Variants in CECR2 observed in about 807,000 individuals in gnomAD.
CECR2 encodes CECR2 histone acetyl-lysine reader, also known as chromatin remodeling regulator CECR2.
Under a neutral mutation model 154.5 loss-of-function variants are expected in CECR2, and 30 were observed. The observed-to-expected ratio is 0.19, with a 90% CI of 0.15 to 0.26. The LOEUF is 0.26. Among genes scored for constraint, CECR2 ranks in the 10% least tolerant of loss-of-function variants. The pLI, the probability that CECR2 is intolerant of heterozygous loss-of-function variation, is 1.00. For synonymous variants in CECR2, 725 were observed against 683.7 expected, an observed-to-expected ratio of 1.06 and a Z score of -0.94; for missense variants, 1,743 against 1,829.3, an observed-to-expected ratio of 0.95 and a Z score of 0.86.
intron 1 of CECR2, among the ~76,000 whole-genome samples, chr22:17,410,950 A>T (rs2054059850): frequency 6.6e-6 from 1 of 152,246 alleles, no homozygotes; most frequent in African/African-American, 2.4e-5. Flanking sequence ...ACAGATGAGG[A>T]TGTTGCCCAA....
intron 1 of CECR2, among the ~76,000 whole-genome samples, chr22:17,467,340 T>C (rs1387693011): frequency 6.6e-6 from 1 of 152,012 alleles, no homozygotes; most frequent in African/African-American, 2.4e-5. Flanking sequence ...GGTGACTCGC[T>C]TTGAGGAACG....
rs118071716 is a variant in CECR2 at position 17,434,649 on chromosome 22, C to G, written c.127-42939C>G. 8.2e-3 allele frequency among the ~76,000 whole-genome samples: 1,245 copies of G among 151,096 alleles called. 67 individuals are homozygous for G. The East Asian group carries it at 0.15, about 18-fold the overall frequency. ...CCCACTCTTTTTATGCCCGCACCCC[C>G]CCTGCTGCTCCCCGTAGCTAAGCTG... On this transcript the variant is annotated intron_variant, in intron 1 of 18. Transcript: ENST00000262608.
intron 2 of CECR2, among the ~76,000 whole-genome samples, chr22:17,490,011 G>A (rs776901938): frequency 4.0e-5 from 6 of 151,354 alleles, no homozygotes; most frequent in South Asian, 2.1e-4. Flanking sequence ...TGCATCCTGC[G>A]AATTTTGATG....
upstream of CECR2, among the ~76,000 whole-genome samples, chr22:17,366,328 CA>C (rs1480079579): frequency 6.6e-6 from 1 of 152,164 alleles, no homozygotes; most frequent in African/African-American, 2.4e-5. Context: ...GCTGGGAGTA[CA>C]GGGGCGTGCC....
intron 1 of CECR2, among the ~76,000 whole-genome samples, chr22:17,375,054 A>G (rs112915049): frequency 6.6e-6 from 1 of 152,144 alleles, no homozygotes; most frequent in Non-Finnish European, 1.5e-5. Context: ...AGATCTTTTT[A>G]AAAAACTTCT....
chr22:17,551,419 G>A (rs187171849), intron 17 of CECR2, among the ~76,000 whole-genome samples: 95 of 152,198 alleles, frequency 6.2e-4, no homozygotes, highest in Admixed American at 1.6e-3. Context: ...ATTTATAGCA[G>A]TTGTCATATC....
chr22:17,376,175 G>A (rs1467145290), intron 1 of CECR2, among the ~76,000 whole-genome samples: 1 of 152,088 alleles, frequency 6.6e-6, no homozygotes, highest in Non-Finnish European at 1.5e-5. Flanking sequence ...GTGAATACCA[G>A]GTCCCCTTTC....
At chr22:17,382,095 T>C (rs542844670) in intron 1 of CECR2, among the ~76,000 whole-genome samples, 1 of 151,594 alleles carries the variant, frequency 6.6e-6, no homozygotes, top group African/African-American at 2.4e-5. Flanking sequence ...TTTCGCCGTG[T>C]TAGCCAGGAT....
intron 1 of CECR2, among the ~76,000 whole-genome samples, chr22:17,460,687 G>A (rs1268316185): frequency 6.6e-6 from 1 of 151,960 alleles, no homozygotes; most frequent in South Asian, 2.1e-4. Context: ...GAGAGTCTCT[G>A]CCTCTAGCCA....
intron 1 of CECR2, among the ~76,000 whole-genome samples, chr22:17,428,706 G>C (rs781616920): frequency 6.6e-6 from 1 of 151,976 alleles, no homozygotes; most frequent in Non-Finnish European, 1.5e-5. Flanking sequence ...TCGAACTCCT[G>C]GGCTCGAATG....
chr22:17,406,898 G>A (rs2053992779), intron 1 of CECR2, among the ~76,000 whole-genome samples: 1 of 152,094 alleles, frequency 6.6e-6, no homozygotes, highest in Admixed American at 6.6e-5. Context: ...GCATGCCTGG[G>A]GTATTCTCGT....
intron 1 of CECR2, among the ~76,000 whole-genome samples, chr22:17,438,635 A>G (rs1214648067): frequency 6.6e-6 from 1 of 151,102 alleles, no homozygotes; most frequent in Non-Finnish European, 1.5e-5. Flanking sequence ...TTTTTTTGCA[A>G]TTTTTTTTAA....
intron 1 of CECR2, among the ~76,000 whole-genome samples, chr22:17,434,752 A>G (rs983716533): frequency 6.6e-6 from 1 of 151,688 alleles, no homozygotes; most frequent in Non-Finnish European, 1.5e-5. Flanking sequence ...TGGGTGTGGG[A>G]TACCTTTACC....
intron 1 of CECR2, among the ~76,000 whole-genome samples, chr22:17,456,165 C>T (rs2054851326): frequency 6.6e-6 from 1 of 152,146 alleles, no homozygotes; most frequent in African/African-American, 2.4e-5. Flanking sequence ...ACTGAATAGT[C>T]TACTGTTGTA....
intron 1 of CECR2, among the ~76,000 whole-genome samples, chr22:17,428,798 T>TTTTGTG (rs367634017): frequency 4.4e-5 from 6 of 136,424 alleles, no homozygotes; most frequent in African/African-American, 1.4e-4. Context: ...ATGTTTTTAT[T>TTTTGTG]TGTGTGTGTG....
rs1056759795 is a variant in CECR2 at position 17,409,440 on chromosome 22, C to T, written c.126+39531C>T. Among the ~76,000 whole-genome samples the T allele has an allele frequency of 4.6e-4, 52 of 111,902 alleles. 15 individuals carry two copies. The highest frequency in any genetic ancestry group is 4.4e-3 in the Admixed American group (46 of 10,558). 73.4% of individuals were successfully genotyped at this position (111,902 alleles called of 152,430 possible). A position where few individuals can be genotyped will look rare whatever the true frequency, so the allele number is the denominator to read the frequency against. ...TAGAGATGGGGTTTCACCATGTTGG[C>T]CAGGATGGTCTCAATCTCTTGACCT... On this transcript the variant is annotated intron_variant, in intron 1 of 18. Transcript: ENST00000262608.
intron 7 of CECR2, among the ~76,000 whole-genome samples, chr22:17,511,251 T>G (rs976234610): frequency 6.6e-6 from 1 of 152,208 alleles, no homozygotes; most frequent in Non-Finnish European, 1.5e-5. Flanking sequence ...TTCTCCATGC[T>G]CTTTCTTTGA....
intron 1 of CECR2, among the ~76,000 whole-genome samples, chr22:17,451,878 A>G (rs1209959975): frequency 6.6e-6 from 1 of 152,204 alleles, no homozygotes; most frequent in African/African-American, 2.4e-5. Flanking sequence ...AAGATAAATC[A>G]TACAACTGTC....
chr22:17,545,335 A>G (rs1315061494), intron 16 of CECR2, among the ~76,000 whole-genome samples: 2 of 134,770 alleles, frequency 1.5e-5, no homozygotes, highest in Non-Finnish European at 3.0e-5. Flanking sequence ...AGATCACGCC[A>G]CTGCACTCCA....
Sources: allele counts gnomAD v4.1 joint callset (sites outside exome capture counted in the v4.1 genomes callset), GRCh38; gene constraint gnomAD v4.1.1; transcripts MANE v1.5; gene names NCBI Gene and HGNC (gene_info 2026-07-23, HGNC 2026-07-21).